The following ZBTB7C variants were observed in gnomAD, a reference collection of about 807,000 sequenced individuals.
ZBTB7C encodes the protein zinc finger and BTB domain containing 7C.
A neutral mutation model predicts 25.7 loss-of-function variants in ZBTB7C; 8 were observed. That is an observed-to-expected ratio of 0.31 (90% CI 0.18 to 0.56). The LOEUF (loss-of-function observed/expected upper bound fraction) is 0.56, where lower values mean the gene tolerates loss of function less well. Among genes scored for constraint, ZBTB7C ranks in the 20% least tolerant of loss-of-function variants. The probability of loss-of-function intolerance (pLI) is 0.91; values close to 1 mark genes in which losing one functional copy is unlikely to be tolerated. For missense variants in ZBTB7C, 824 were observed against 855.2 expected (o/e 0.96, Z 0.46); for synonymous variants, 394 against 369.0 (o/e 1.07, Z -0.78).
At chr18:48,124,322 A>C (rs1312260890) in intron 3 of ZBTB7C, among the ~76,000 whole-genome samples, 1 of 152,250 alleles carries the variant, frequency 6.6e-6, no homozygotes, top group Non-Finnish European at 1.5e-5. Context: ...AGTAGCAGGT[A>C]CCTTTCCTGG....
chr18:48,186,191 C>T (rs998746332), intron 2 of ZBTB7C, among the ~76,000 whole-genome samples, 196 bp from the exon 3 acceptor site: 1 of 152,132 alleles, frequency 6.6e-6, no homozygotes, highest in African/African-American at 2.4e-5. Flanking sequence ...CCTCCAGGCC[C>T]GTGGGCTCGG....
intron 3 of ZBTB7C, among the ~76,000 whole-genome samples, chr18:48,173,285 T>C (rs907222685): frequency 9.2e-5 from 14 of 152,204 alleles, no homozygotes; most frequent in Admixed American, 6.5e-4. Flanking sequence ...TGAAAAGGTT[T>C]ATGTGGATTA....
intron 2 of ZBTB7C, among the ~76,000 whole-genome samples, chr18:48,224,424 G>A (rs1265153306): frequency 6.6e-6 from 1 of 152,202 alleles, no homozygotes; most frequent in Non-Finnish European, 1.5e-5. Flanking sequence ...GACACAAGGA[G>A]GCACAGAATA....
intron 3 of ZBTB7C, among the ~76,000 whole-genome samples, chr18:48,089,883 C>A (rs1402931414): frequency 6.6e-6 from 1 of 152,158 alleles, no homozygotes; most frequent in South Asian, 2.1e-4. Context: ...TTTAAAAGCC[C>A]GCTGGGTGAG....
At chr18:48,223,933 T>C (rs62088889) in intron 2 of ZBTB7C, among the ~76,000 whole-genome samples, 1,875 of 152,294 alleles carry the variant, frequency 0.012, 25 homozygotes, top group Non-Finnish European at 0.021. Context: ...ACAGGATGTA[T>C]GTGGCAGTTT....
chr18:48,069,206 C>G (rs755999372), intron 3 of ZBTB7C, among the ~76,000 whole-genome samples: 6 of 152,236 alleles, frequency 3.9e-5, no homozygotes, highest in Non-Finnish European at 8.8e-5. Context: ...GGGCCCACCC[C>G]TGTCCAGGTG....
At chr18:48,318,374 C>T (rs942502315) in intron 2 of ZBTB7C, among the ~76,000 whole-genome samples, 1 of 152,136 alleles carries the variant, frequency 6.6e-6, no homozygotes, top group African/African-American at 2.4e-5. Context: ...GCTAGAGGCC[C>T]ACCTGCTTGG....
chr18:48,201,363 G>A (rs1180929525), intron 2 of ZBTB7C, among the ~76,000 whole-genome samples: 5 of 152,158 alleles, frequency 3.3e-5, no homozygotes, highest in African/African-American at 1.2e-4. Flanking sequence ...TCCAGGGGAC[G>A]GTAGGCCCCA....
At chr18:48,081,585 C>T (rs761494505) in intron 3 of ZBTB7C, among the ~76,000 whole-genome samples, 1 of 151,952 alleles carries the variant, frequency 6.6e-6, no homozygotes, top group Non-Finnish European at 1.5e-5. Context: ...CAGCCTCCCT[C>T]TAAGTGATTT....
intron 3 of ZBTB7C, among the ~76,000 whole-genome samples, chr18:48,074,105 C>G (rs757131007): frequency 1.6e-4 from 24 of 151,980 alleles, no homozygotes; most frequent in Non-Finnish European, 2.5e-4. Context: ...CCTCCACTTC[C>G]CAGGTTCAAG....
intron 1 of ZBTB7C, among the ~76,000 whole-genome samples, chr18:48,386,667 G>A (rs868420311): frequency 5.3e-5 from 8 of 152,204 alleles, no homozygotes; most frequent in African/African-American, 1.2e-4. Context: ...AATTGGTTAC[G>A]TGAATAAATT....
chr18:48,331,990 GA>G (rs2046351790), intron 2 of ZBTB7C, among the ~76,000 whole-genome samples: 2 of 152,156 alleles, frequency 1.3e-5, no homozygotes, highest in South Asian at 4.2e-4. Context: ...CATGTTGTCT[GA>G]ATTTACTTCA....
intron 3 of ZBTB7C, among the ~76,000 whole-genome samples, chr18:48,154,965 C>T (rs1483782936): frequency 2.0e-5 from 3 of 152,224 alleles, no homozygotes; most frequent in Non-Finnish European, 2.9e-5. Flanking sequence ...CAATGCCAAT[C>T]CTCACCCAGT....
At chr18:48,308,449 G>A (rs73955788) in intron 2 of ZBTB7C, among the ~76,000 whole-genome samples, 145 of 152,266 alleles carry the variant, frequency 9.5e-4, no homozygotes, top group African/African-American at 3.4e-3. Context: ...GAGTCCTTCT[G>A]CCTTGGTTTC....
intron 2 of ZBTB7C, among the ~76,000 whole-genome samples, chr18:48,250,111 G>T (rs1005313801): frequency 2.0e-5 from 3 of 152,188 alleles, no homozygotes; most frequent in Non-Finnish European, 2.9e-5. Context: ...CCAGGCACAA[G>T]CCCAAATGGA....
At chr18:48,131,171 TG>T (rs1472387359) in intron 3 of ZBTB7C, among the ~76,000 whole-genome samples, 1 of 152,264 alleles carries the variant, frequency 6.6e-6, no homozygotes, top group Non-Finnish European at 1.5e-5. Flanking sequence ...CCCAAAGTGC[TG>T]GGATTACAGG....
chr18:48,141,143 A>AAC (rs2040333003), intron 3 of ZBTB7C, among the ~76,000 whole-genome samples: 1 of 96,044 alleles, frequency 1.0e-5, no homozygotes, highest in Non-Finnish European at 2.1e-5. Flanking sequence ...TCCCCCCCGC[A>AAC]CCACCCCCCC....
At chr18:48,209,285 A>T (rs1209773176) in intron 2 of ZBTB7C, among the ~76,000 whole-genome samples, 3 of 152,224 alleles carry the variant, frequency 2.0e-5, no homozygotes, top group African/African-American at 7.2e-5. Context: ...CTTCCATGAG[A>T]TGAGTGTCTG....
At chr18:48,373,304 T>C (rs1487983013) in intron 1 of ZBTB7C, among the ~76,000 whole-genome samples, 1 of 152,046 alleles carries the variant, frequency 6.6e-6, no homozygotes, top group Non-Finnish European at 1.5e-5. Flanking sequence ...TTGCTCCTGC[T>C]TGTGCCTACT....
Sources: gnomAD v4.1 joint callset for allele counts (sites outside exome capture counted in the v4.1 genomes callset) on GRCh38, gnomAD v4.1.1 for gene constraint, MANE v1.5 for transcripts, NCBI Gene and HGNC (gene_info 2026-07-23, HGNC 2026-07-21) for gene names.